MIER2: variants seen among roughly 807,000 people sequenced by gnomAD.
MIER2 encodes the protein MIER family member 2.
In MIER2, 30 loss-of-function variants were observed where a neutral mutation model predicts 67.6. The ratio of observed to expected loss-of-function variants is 0.44; its 90% CI spans 0.33 to 0.60. The LOEUF (loss-of-function observed/expected upper bound fraction) is 0.60. Ranked by LOEUF, MIER2 falls within the 20% of genes least tolerant of loss-of-function variation. The pLI is 0.02. For synonymous variants in MIER2, 372 were observed against 312.6 expected (o/e 1.19, Z -2.00); for missense variants, 702 against 745.1 (o/e 0.94, Z 0.67).
intron 1 of MIER2, chr19:344,413 G>A: frequency 3.1e-6 from 3 of 981,450 alleles, no homozygotes; most frequent in East Asian, 1.1e-4. Flanking sequence ...CCGGGCCGGG[G>A]CCGGGAACCG....
chr19:319,265 G>A (rs554576579), intron 7 of MIER2, among the ~76,000 whole-genome samples: 17 of 151,996 alleles, frequency 1.1e-4, no homozygotes, highest in African/African-American at 4.1e-4. Context: ...AGGAGGCTGC[G>A]GCAGGAGAAT....
intron 1 of MIER2, among the ~76,000 whole-genome samples, chr19:338,087 G>A (rs1289667880): frequency 7.7e-5 from 11 of 143,550 alleles, no homozygotes; most frequent in Non-Finnish European, 1.2e-4. Flanking sequence ...CAGGAGGATC[G>A]CTTGAACCCA....
chr19:326,675 T>A, intron 5 of MIER2, 77 bp from the exon 6 acceptor site: 1 of 1,165,560 alleles, frequency 8.6e-7, no homozygotes, highest in Non-Finnish European at 1.3e-6. Context: ...CCACTCCCAT[T>A]CTCCATCCAC....
intron 3 of MIER2, 22 bp downstream of exon 3, chr19:334,378 C>T: frequency 1.2e-6 from 2 of 1,613,378 alleles, no homozygotes; most frequent in Non-Finnish European, 1.7e-6. Flanking sequence ...AACACAGGGG[C>T]AGGATCACCT....
intron 4 of MIER2, 26 bp from the exon 5 acceptor site, chr19:327,282 G>T: frequency 6.5e-7 from 1 of 1,533,188 alleles, no homozygotes; most frequent in South Asian, 1.2e-5. Context: ...AAAAAGTAAA[G>T]AACATTTTAC....
intron 3 of MIER2, among the ~76,000 whole-genome samples, chr19:333,922 G>A (rs1972129632): frequency 6.6e-6 from 1 of 152,110 alleles, no homozygotes; most frequent in Admixed American, 6.6e-5. Flanking sequence ...TCGATCTCCT[G>A]ACCTTGTGAT....
In MIER2 at chr19:308,691, G is replaced by A; in HGVS notation, c.1110-26C>T. The A allele has an allele frequency of 6.3e-7, 1 of 1,599,664 alleles. No individual in the cohort carries two copies. The highest frequency in any genetic ancestry group is 8.5e-7 in the Non-Finnish European group (1 of 1,174,418). On this transcript the variant is annotated intron_variant, in intron 11 of 13. Transcript: ENST00000264819. This position sits in a 1 kb window ranked among gnomAD's most constrained non-coding sequence, Gnocchi z 9.1. The stretch of plus-strand genomic sequence containing the variant: ...CTGTGGGGAGAGGGCGCCATGAGGG[G>A]CGGCAGACAGGACAGACGCCCCCAC...
intron 7 of MIER2, among the ~76,000 whole-genome samples, chr19:322,906 C>A (rs1012455459): frequency 6.6e-6 from 1 of 152,146 alleles, no homozygotes; most frequent in Non-Finnish European, 1.5e-5. Flanking sequence ...AAACCAAGGA[C>A]CACGATGCAA....
intron 7 of MIER2, among the ~76,000 whole-genome samples, chr19:320,769 G>T (rs1474348721): frequency 1.3e-5 from 2 of 152,204 alleles, no homozygotes; most frequent in Non-Finnish European, 2.9e-5. Flanking sequence ...TGTCTTCCAC[G>T]AAACCAGTCC....
At chr19:344,044 T>C (rs1972626060) in intron 1 of MIER2, 2 of 985,410 alleles carry the variant, frequency 2.0e-6, no homozygotes, top group Non-Finnish European at 2.4e-6. Flanking sequence ...GATTCCAAAA[T>C]ATAGCTGGTC....
intron 9 of MIER2, 88 bp from the exon 10 acceptor site, chr19:312,027 G>A (rs112101787): frequency 1.5e-4 from 155 of 1,026,346 alleles, no homozygotes; most frequent in East Asian, 1.9e-4. Flanking sequence ...AACAGTCAGC[G>A]GCGCCCAGGG....
At chr19:334,364 A>G (rs1194900968) in intron 3 of MIER2, 36 bp downstream of exon 3, 4 of 1,612,862 alleles carry the variant, frequency 2.5e-6, no homozygotes, top group Non-Finnish European at 3.4e-6. Context: ...GGAGGGCTCC[A>G]CCCAACACAG....
chr19:321,285 A>T (rs1344584943), intron 7 of MIER2, among the ~76,000 whole-genome samples: 1 of 152,248 alleles, frequency 6.6e-6, no homozygotes, highest in Non-Finnish European at 1.5e-5. Flanking sequence ...CATACACACA[A>T]GAGAGAACAC....
intron 7 of MIER2, among the ~76,000 whole-genome samples, chr19:322,358 A>G (rs534826425): frequency 1.3e-3 from 201 of 152,326 alleles, no homozygotes; most frequent in African/African-American, 4.6e-3. Context: ...ATTATTATTC[A>G]AATAATGATT....
At chr19:336,566 G>C (rs574470767) in intron 1 of MIER2, among the ~76,000 whole-genome samples, 2 of 152,154 alleles carry the variant, frequency 1.3e-5, no homozygotes, top group African/African-American at 2.4e-5. Context: ...CAAACATCCA[G>C]AACAGGCCAG....
At chr19:326,870 T>G in intron 5 of MIER2, 3 of 585,840 alleles carry the variant, frequency 5.1e-6, no homozygotes, top group Non-Finnish European at 8.8e-6. Flanking sequence ...GGAGGCCGGT[T>G]CTGGGAATGC....
chr19:327,315 A>G (rs926144088), intron 4 of MIER2, 59 bp from the exon 5 acceptor site: 11 of 1,538,492 alleles, frequency 7.1e-6, no homozygotes, highest in Non-Finnish European at 8.7e-6. Context: ...TCGCAATACC[A>G]CTAATGATAA....
chr19:313,672 T>C (rs1322257641), intron 7 of MIER2, 29 bp from the exon 8 acceptor site: 3 of 1,600,006 alleles, frequency 1.9e-6, no homozygotes, highest in African/African-American at 2.7e-5. Flanking sequence ...AAGGTCAGCT[T>C]GCAGGAACCC....
Position 305,579 on chromosome 19 carries a change from TTCAAA to T in MIER2, c.*1106_*1110del, listed in dbSNP as rs1358702013. On this transcript the variant is annotated 3_prime_UTR_variant, in exon 14 of 14. Coordinates refer to ENST00000264819, the MANE Select transcript of MIER2 (RefSeq NM_017550.3). ...CGATCCACCACAAGGCACCCCGGGC[TTCAAA>T]TCAAGTTTAATAAATAAAACAGCAA... 1.3e-5 allele frequency: 2 copies of T among 152,248 alleles called. No homozygotes were observed. Among genetic ancestry groups the T allele is most frequent in the Non-Finnish European group, 2.9e-5 (2 of 68,066 alleles). The allele number at this position is 152,248 out of a possible 1,614,324, so 9.4% of individuals were successfully genotyped here. A position where few individuals can be genotyped will look rare whatever the true frequency, so the allele number is the denominator to read the frequency against.
Sources: allele counts gnomAD v4.1 joint callset (sites outside exome capture counted in the v4.1 genomes callset), GRCh38; gene constraint gnomAD v4.1.1; non-coding constraint Gnocchi (gnomAD v3.1); transcripts MANE v1.5; gene names NCBI Gene and HGNC (gene_info 2026-07-23, HGNC 2026-07-21).